GTF2IRD1: variants seen among roughly 807,000 people sequenced by gnomAD.
GTF2IRD1 encodes general transcription factor II-I repeat domain-containing protein 1.
A neutral mutation model predicts 113.2 loss-of-function variants in GTF2IRD1; 26 were observed. The observed-to-expected ratio is 0.23, with a 90% CI of 0.17 to 0.32. GTF2IRD1 has a LOEUF of 0.32. Among genes scored for constraint, GTF2IRD1 ranks in the 10% least tolerant of loss-of-function variants. The pLI, the probability that GTF2IRD1 is intolerant of heterozygous loss-of-function variation, is 1.00. For missense variants in GTF2IRD1, 864 were observed against 1,280.8 expected (o/e 0.67, Z 4.97); for synonymous variants, 484 against 529.1 (o/e 0.91, Z 1.17).
intron 1 of GTF2IRD1, among the ~76,000 whole-genome samples, chr7:74,498,212 A>G (rs10279058): frequency 0.063 from 9,591 of 151,788 alleles, 919 homozygotes; most frequent in African/African-American, 0.21. Context: ...TCTGTTGCCC[A>G]GGCTGGTCTC....
intron 1 of GTF2IRD1, among the ~76,000 whole-genome samples, chr7:74,462,675 T>C (rs1793450062): frequency 6.6e-6 from 1 of 152,138 alleles, no homozygotes; most frequent in African/African-American, 2.4e-5. Flanking sequence ...AAAGGCACCA[T>C]CTGGCTGGCG....
At chr7:74,475,751 C>T (rs1169316386) in intron 1 of GTF2IRD1, among the ~76,000 whole-genome samples, 1 of 152,182 alleles carries the variant, frequency 6.6e-6, no homozygotes, top group Non-Finnish European at 1.5e-5. Context: ...TGTGTGCATG[C>T]GCACACCCAG....
chr7:74,536,065 C>T, intron 10 of GTF2IRD1, 102 bp from the exon 11 acceptor site: 1 of 747,510 alleles, frequency 1.3e-6, no homozygotes, highest in Non-Finnish European at 2.3e-6. Flanking sequence ...AGGCCCTATC[C>T]CCGGGATTCC....
chr7:74,467,849 G>A (rs1793820111), intron 1 of GTF2IRD1, among the ~76,000 whole-genome samples: 1 of 151,968 alleles, frequency 6.6e-6, no homozygotes, highest in African/African-American at 2.4e-5. Flanking sequence ...GCCCGCCACT[G>A]CTCCCGGCTA....
chr7:74,531,756 A>G lies in GTF2IRD1; in HGVS notation c.1274+1839A>G, dbSNP rs183327329. Among the ~76,000 whole-genome samples the G allele has an allele frequency of 3.0e-3, 452 of 152,020 alleles. 1 individual carries two copies. The highest frequency in any genetic ancestry group is 3.2e-3 in the Non-Finnish European group (220 of 67,976). On this transcript the variant is annotated intron_variant, in intron 9 of 26. Coordinates refer to ENST00000424337, the MANE Select transcript of GTF2IRD1 (RefSeq NM_005685.4). ...AAAAGTGGGGGGAGCCAGGAGGTAGAGTCTCTGCCCTGGCCCAGGTATCTG... is the reference window on the plus strand; with the variant it reads ...AAAAGTGGGGGGAGCCAGGAGGTAGGGTCTCTGCCCTGGCCCAGGTATCTG...
intron 7 of GTF2IRD1, 99 bp from the exon 8 acceptor site, chr7:74,523,972 C>CG (rs1417959711): frequency 1.6e-5 from 13 of 800,804 alleles, no homozygotes; most frequent in Non-Finnish European, 2.1e-5. Flanking sequence ...GGGCCGGCCT[C>CG]GGGGGCTCTG....
At chr7:74,548,662 AG>A (rs1344716528) in intron 17 of GTF2IRD1, among the ~76,000 whole-genome samples, 1 of 152,014 alleles carries the variant, frequency 6.6e-6, no homozygotes, top group Non-Finnish European at 1.5e-5. Flanking sequence ...TCAGCTACTC[AG>A]GAGGCTGAAG....
intron 22 of GTF2IRD1, among the ~76,000 whole-genome samples, chr7:74,581,936 G>C (rs1428237805): frequency 1.3e-5 from 2 of 152,226 alleles, no homozygotes; most frequent in African/African-American, 4.8e-5. Flanking sequence ...CAGCTCAGGA[G>C]GCGGAGGTTA....
In GTF2IRD1 at chr7:74,458,079, C is replaced by A. The variant is rs573377775; in HGVS notation, c.-7+3903C>A. Among the ~76,000 whole-genome samples, 421 of 152,036 alleles carry A rather than the reference C, an allele frequency of 2.8e-3. 2 individuals are homozygous for A. The highest frequency in any genetic ancestry group is 0.01 in the Middle Eastern group (3 of 294). ...AGAGATGGGGTTTCATCATGTTGGC[C>A]AGTCTGGTCTAGAACTCCTGACCTC... On this transcript the variant is annotated intron_variant, in intron 1 of 26. Coordinates refer to ENST00000424337, the MANE Select transcript of GTF2IRD1 (RefSeq NM_005685.4).
chr7:74,509,967 G>A (rs190183997), intron 2 of GTF2IRD1, among the ~76,000 whole-genome samples: 65 of 151,976 alleles, frequency 4.3e-4, no homozygotes, highest in Admixed American at 1.4e-3. Context: ...GAGCCACTGC[G>A]CCTGGCCCAG....
At chr7:74,517,673 G>A (rs1250602795) in intron 4 of GTF2IRD1, among the ~76,000 whole-genome samples, 1 of 150,304 alleles carries the variant, frequency 6.7e-6, no homozygotes, top group East Asian at 2.0e-4. Context: ...TCCCTCCTCA[G>A]CCTCCCAAAA....
At chr7:74,465,915 G>T (rs1335770581) in intron 1 of GTF2IRD1, among the ~76,000 whole-genome samples, 1 of 152,088 alleles carries the variant, frequency 6.6e-6, no homozygotes, top group Admixed American at 6.5e-5. Flanking sequence ...GATCACGGGC[G>T]CCCGCCACCA....
intron 20 of GTF2IRD1, 46 bp downstream of exon 20, chr7:74,557,768 A>C (rs782383983): frequency 8.2e-7 from 1 of 1,212,958 alleles, no homozygotes; most frequent in Non-Finnish European, 1.2e-6. Context: ...GCTGCTGTGC[A>C]CAGAGAAGTG....
chr7:74,588,072 G>A (rs1801824189), intron 22 of GTF2IRD1, among the ~76,000 whole-genome samples: 1 of 151,562 alleles, frequency 6.6e-6, no homozygotes, highest in South Asian at 2.1e-4. Context: ...CCACTTCCAG[G>A]ACATGGGATC....
At chr7:74,492,338 T>G (rs532850706) in intron 1 of GTF2IRD1, among the ~76,000 whole-genome samples, 1 of 151,708 alleles carries the variant, frequency 6.6e-6, no homozygotes, top group Non-Finnish European at 1.5e-5. Context: ...GCCTGGCTAA[T>G]TTTTTGTATT....
intron 17 of GTF2IRD1, among the ~76,000 whole-genome samples, chr7:74,549,662 G>C (rs1233752266): frequency 2.0e-5 from 3 of 152,200 alleles, no homozygotes; most frequent in Admixed American, 6.5e-5. Context: ...ATTGAGCCAG[G>C]CATGGTGGCT....
intron 1 of GTF2IRD1, among the ~76,000 whole-genome samples, chr7:74,486,064 A>G (rs1422294387): frequency 6.6e-6 from 1 of 151,646 alleles, no homozygotes. Context: ...TCCGCCTCCC[A>G]GGTTCAAGCA....
intron 22 of GTF2IRD1, among the ~76,000 whole-genome samples, chr7:74,569,315 G>A (rs782819402): frequency 6.6e-6 from 1 of 152,236 alleles, no homozygotes; most frequent in Non-Finnish European, 1.5e-5. Flanking sequence ...CGCTTAGCCT[G>A]TGAGGTGGGT....
intron 1 of GTF2IRD1, among the ~76,000 whole-genome samples, chr7:74,503,695 G>C (rs2129918661): frequency 6.7e-6 from 1 of 149,972 alleles, no homozygotes; most frequent in South Asian, 2.1e-4. Flanking sequence ...GCCGCAGTGA[G>C]CCGAGATCAC....
Sources: allele counts gnomAD v4.1 joint callset (sites outside exome capture counted in the v4.1 genomes callset), GRCh38; gene constraint gnomAD v4.1.1; transcripts MANE v1.5; gene names NCBI Gene and HGNC (gene_info 2026-07-23, HGNC 2026-07-21).